The following PYHIN1 variants were observed in gnomAD, a reference collection of about 807,000 sequenced individuals.
The protein encoded by PYHIN1 is pyrin and HIN domain family member 1.
Under a neutral mutation model 43.7 loss-of-function variants are expected in PYHIN1, and 32 were observed. The ratio of observed to expected loss-of-function variants is 0.73; its 90% CI spans 0.55 to 0.98. The LOEUF (loss-of-function observed/expected upper bound fraction) is 0.98. Ranked by LOEUF, PYHIN1 falls within the 50% of genes least tolerant of loss-of-function variation. The pLI is 0.00. For missense variants in PYHIN1, 588 were observed against 589.5 expected (o/e 1.00, Z 0.03); for synonymous variants, 205 against 203.1 (o/e 1.01, Z -0.08).
At chr1:158,987,609 A>C in the PYHIN1 span, among the ~76,000 whole-genome samples, 1 of 152,176 alleles carries the variant, frequency 6.6e-6, no homozygotes. Flanking sequence ...TCTATTGCCA[A>C]ATCCAAGGTC....
intron 7 of PYHIN1, among the ~76,000 whole-genome samples, chr1:158,958,305 A>G (rs557523162): frequency 1.2e-3 from 182 of 147,912 alleles, no homozygotes; most frequent in Admixed American, 3.4e-3. Context: ...ACACATGCAC[A>G]CGTATGTTTA....
At position 158,944,921 on chromosome 1, in the gene PYHIN1, C is replaced by T; in HGVS notation, c.1238C>T (p.Ala413Val). 1.2e-6 allele frequency: 2 copies of T among 1,613,092 alleles called. No individual in the cohort carries two copies. The highest frequency in any genetic ancestry group is 1.7e-5 in the Admixed American group (1 of 59,906). The change falls in exon 7 of 9, where the codon GCA becomes GTA. Residue 413 changes from alanine (A) to valine (V), a missense_variant. Transcript: ENST00000368140. ...AGAAGCCATGACTCCAGGAGCATGGCACTACCCCAGGAACAGAGTCAGCAT... is the reference window on the plus strand; with the variant it reads ...AGAAGCCATGACTCCAGGAGCATGGTACTACCCCAGGAACAGAGTCAGCAT... ...NQRSHDSRSMALPQEQSQHPK... is the reference protein window; with the variant it reads ...NQRSHDSRSMVLPQEQSQHPK...
At chr1:158,949,323 C>T (rs1195501944) in intron 7 of PYHIN1, among the ~76,000 whole-genome samples, 1 of 152,180 alleles carries the variant, frequency 6.6e-6, no homozygotes, top group African/African-American at 2.4e-5. Flanking sequence ...GGCTTGTTCC[C>T]CATGACAGAC....
chr1:158,953,831 G>C (rs1649746645), intron 7 of PYHIN1, among the ~76,000 whole-genome samples: 1 of 151,450 alleles, frequency 6.6e-6, no homozygotes, highest in Non-Finnish European at 1.5e-5. Flanking sequence ...CAAACCAAAG[G>C]CAAAGAAGTT....
the PYHIN1 span, among the ~76,000 whole-genome samples, chr1:158,990,518 T>C: frequency 6.2e-4 from 95 of 152,292 alleles, no homozygotes; most frequent in South Asian, 6.0e-3. Flanking sequence ...ATTTTTGTCA[T>C]GAGAAGACAT....
chr1:158,984,212 T>C, the PYHIN1 span, among the ~76,000 whole-genome samples: 1 of 152,016 alleles, frequency 6.6e-6, no homozygotes, highest in African/African-American at 2.4e-5. Flanking sequence ...TCCTTTTGTT[T>C]TTTCTAGTTC....
At chr1:158,946,565 A>G (rs1368173766) in intron 7 of PYHIN1, among the ~76,000 whole-genome samples, 1 of 152,000 alleles carries the variant, frequency 6.6e-6, no homozygotes, top group Admixed American at 6.6e-5. Flanking sequence ...ATAGATAGAT[A>G]GATAGATAGA....
At chr1:158,952,913 G>C (rs557168638) in intron 7 of PYHIN1, among the ~76,000 whole-genome samples, 1 of 152,236 alleles carries the variant, frequency 6.6e-6, no homozygotes, top group African/African-American at 2.4e-5. Context: ...TGCGCGAGCC[G>C]AAGTAGGGTG....
chr1:158,956,506 A>G (rs2101694896), intron 7 of PYHIN1, among the ~76,000 whole-genome samples: 2 of 150,602 alleles, frequency 1.3e-5, no homozygotes, highest in East Asian at 3.9e-4. Context: ...CAAAAACCAC[A>G]TGATTATCTC....
Position 158,951,717 on chromosome 1 carries a change from A to G in PYHIN1, c.1359+6675A>G, listed in dbSNP as rs78295469. Among the ~76,000 whole-genome samples, 1,177 of 152,282 alleles carry G rather than the reference A, an allele frequency of 7.7e-3. 16 individuals carry two copies. The highest frequency in any genetic ancestry group is 0.027 in the African/African-American group (1,112 of 41,556). ...TGGGTGAATCTCAAGGACTATTAAG[A>G]GAGTATCATCCATAAAATGAATAAC... On this transcript the variant is annotated intron_variant, in intron 7 of 8. Transcript: ENST00000368140.
intron 7 of PYHIN1, among the ~76,000 whole-genome samples, chr1:158,972,191 C>T (rs16841379): frequency 0.099 from 15,041 of 151,844 alleles, 1,264 homozygotes; most frequent in African/African-American, 0.23. Context: ...ATTCAGTCAT[C>T]GGAGAACCTC....
At chr1:158,979,290 T>C (rs571523605), downstream of PYHIN1, among the ~76,000 whole-genome samples, 86 of 152,302 alleles carry the variant, frequency 5.6e-4, no homozygotes, top group African/African-American at 1.8e-3. Context: ...ACCCATCGAA[T>C]AGCAGCTTCC....
At chr1:158,983,806 C>A in the PYHIN1 span, among the ~76,000 whole-genome samples, 1 of 152,180 alleles carries the variant, frequency 6.6e-6, no homozygotes, top group East Asian at 1.9e-4. Context: ...ATTATGGATT[C>A]AATTTCAGAA....
chr1:158,938,336 T>A, intron 2 of PYHIN1, 61 bp from the exon 3 acceptor site: 1 of 1,570,040 alleles, frequency 6.4e-7, no homozygotes, highest in Non-Finnish European at 8.7e-7. Flanking sequence ...GTATTGAAAC[T>A]GCTTCGGGTG....
intron 7 of PYHIN1, among the ~76,000 whole-genome samples, chr1:158,953,592 C>CT (rs1649723003): frequency 6.6e-6 from 1 of 151,498 alleles, no homozygotes; most frequent in Non-Finnish European, 1.5e-5. Flanking sequence ...ACACCAAAAA[C>CT]CCTTCTGTAC....
intron 7 of PYHIN1, among the ~76,000 whole-genome samples, chr1:158,960,259 C>T (rs1481042223): frequency 6.6e-6 from 1 of 152,228 alleles, no homozygotes; most frequent in Non-Finnish European, 1.5e-5. Flanking sequence ...TCAATCATTG[C>T]AACCGCAGAT....
At chr1:158,981,846 G>A (rs1237810501), downstream of PYHIN1, among the ~76,000 whole-genome samples, 1 of 152,154 alleles carries the variant, frequency 6.6e-6, no homozygotes, top group Non-Finnish European at 1.5e-5. Context: ...TCTGACTGGT[G>A]TGAGCTGGTA....
chr1:158,961,930 C>T (rs138025913), intron 7 of PYHIN1, among the ~76,000 whole-genome samples: 15 of 152,264 alleles, frequency 9.9e-5, no homozygotes, highest in Admixed American at 3.3e-4. Flanking sequence ...CTCTAAGCCT[C>T]GCCTCCACTG....
At chr1:158,943,403 A>AT (rs1249546531) in intron 5 of PYHIN1, among the ~76,000 whole-genome samples, 1 of 152,196 alleles carries the variant, frequency 6.6e-6, no homozygotes, top group Non-Finnish European at 1.5e-5. Flanking sequence ...ATTCCTCATA[A>AT]CATAGTGAAT....
Sources: allele counts gnomAD v4.1 joint callset (sites outside exome capture counted in the v4.1 genomes callset), GRCh38; gene constraint gnomAD v4.1.1; transcripts MANE v1.5; gene names NCBI Gene and HGNC (gene_info 2026-07-23, HGNC 2026-07-21).